GALK2: variants seen among roughly 807,000 people sequenced by gnomAD.
The protein encoded by GALK2 is galactokinase 2, also known as N-acetylgalactosamine kinase.
Under a neutral mutation model 52.4 loss-of-function variants are expected in GALK2, and 36 were observed. The ratio of observed to expected loss-of-function variants is 0.69; its 90% confidence interval spans 0.53 to 0.91. The LOEUF is 0.91. Ranked by LOEUF, GALK2 falls within the 40% of genes least tolerant of loss-of-function variation. GALK2 has a pLI of 0.00. For synonymous variants in GALK2, 176 were observed against 199.1 expected (o/e 0.88, Z 0.98); for missense variants, 579 against 559.1 (o/e 1.04, Z -0.36).
At chr15:49,213,926 G>A (rs1186582974) in intron 2 of GALK2, among the ~76,000 whole-genome samples, 2 of 151,984 alleles carry the variant, frequency 1.3e-5, no homozygotes, top group East Asian at 3.9e-4. Context: ...GACCATCATG[G>A]CTAACACGGT....
intron 8 of GALK2, chr15:49,318,954 C>CTT (rs35217317): frequency 0.036 from 14,992 of 415,710 alleles, 512 homozygotes; most frequent in African/African-American, 0.14. Flanking sequence ...TTCTTTCTTT[C>CTT]TTTTTTTTTT....
At chr15:49,213,440 C>G (rs949957290) in intron 2 of GALK2, among the ~76,000 whole-genome samples, 1 of 152,126 alleles carries the variant, frequency 6.6e-6, no homozygotes, top group African/African-American at 2.4e-5. Context: ...TTTGCTGCAC[C>G]TGTCAACCCA....
rs545517834 is a variant in GALK2 at position 49,354,861 on chromosome 15, C to T, written c.427-12630C>T. On this transcript the variant is annotated intron_variant, in intron 3 of 3. Coordinates refer to the GALK2 transcript ENST00000558399. ...CCCTGTCTGACAGCTTTGAAGAGAGCAGTGGTTCTCCCAGCATGCAGCTGG... is the reference window on the plus strand; with the variant it reads ...CCCTGTCTGACAGCTTTGAAGAGAGTAGTGGTTCTCCCAGCATGCAGCTGG... Among the ~76,000 whole-genome samples the T allele has an allele frequency of 4.9e-3, 751 of 151,782 alleles. 9 individuals are homozygous for T. Among genetic ancestry groups the T allele is most frequent in the African/African-American group, 0.017 (711 of 41,358 alleles).
At chr15:49,271,284 CT>C (rs1555421451) in intron 5 of GALK2, among the ~76,000 whole-genome samples, 1 of 152,080 alleles carries the variant, frequency 6.6e-6, no homozygotes, top group East Asian at 1.9e-4. Flanking sequence ...TCCCCAACAA[CT>C]TTTTTTTAGG....
chr15:49,268,925 C>G (rs2029907211), intron 5 of GALK2, among the ~76,000 whole-genome samples: 1 of 152,074 alleles, frequency 6.6e-6, no homozygotes, highest in South Asian at 2.1e-4. Context: ...TATTTACATC[C>G]AAGATAGTGA....
rs2151138396 is a variant in GALK2, at chr15:49,330,767, G to T, written c.*2608G>T. The T allele has an allele frequency of 6.6e-6, 1 of 150,646 alleles. No individual in the cohort carries two copies. The highest frequency in any genetic ancestry group is 2.0e-4 in the East Asian group (1 of 5,118). 9.3% of individuals were successfully genotyped at this position (150,646 alleles called of 1,614,324 possible). A position where few individuals can be genotyped will look rare whatever the true frequency, so the allele number is the denominator to read the frequency against. The stretch of plus-strand genomic sequence containing the variant: ...CCAAAAAAAAAAAAAAAGAGAGAAA[G>T]AATGAATATTTTTGTGTGTGGATGT... On this transcript the variant is annotated 3_prime_UTR_variant, in exon 10 of 10. Transcript: ENST00000560031.
intron 1 of GALK2, among the ~76,000 whole-genome samples, chr15:49,184,275 A>G (rs1225479937): frequency 1.3e-5 from 2 of 151,806 alleles, no homozygotes; most frequent in South Asian, 2.1e-4. Context: ...TTTGTGTGAT[A>G]TAAGTATAGC....
chr15:49,367,451 T>C, intron 3 of GALK2: 1 of 1,573,222 alleles, frequency 6.4e-7, no homozygotes, highest in Non-Finnish European at 8.5e-7. Flanking sequence ...AGGATATGGT[T>C]CCTGGAATAT....
At chr15:49,230,969 G>T (rs1417356090) in intron 3 of GALK2, among the ~76,000 whole-genome samples, 1 of 152,166 alleles carries the variant, frequency 6.6e-6, no homozygotes, top group East Asian at 1.9e-4. Context: ...ATGTGGGAAA[G>T]AGCAAAGATC....
intron 1 of GALK2, among the ~76,000 whole-genome samples, chr15:49,192,731 A>G (rs2086863995): frequency 6.6e-6 from 1 of 151,698 alleles, no homozygotes; most frequent in Admixed American, 6.6e-5. Context: ...AATTTTAACC[A>G]TCTGATAGTA....
At chr15:49,288,856 T>G (rs1260977109) in intron 7 of GALK2, among the ~76,000 whole-genome samples, 1 of 152,144 alleles carries the variant, frequency 6.6e-6, no homozygotes, top group Non-Finnish European at 1.5e-5. Flanking sequence ...TGAAGAGAAG[T>G]AGGTACTAGA....
At chr15:49,266,463 G>C (rs530893434) in intron 5 of GALK2, among the ~76,000 whole-genome samples, 2 of 152,152 alleles carry the variant, frequency 1.3e-5, no homozygotes, top group African/African-American at 4.8e-5. Flanking sequence ...CCTAAGTGTC[G>C]TTAAGACTGC....
intron 3 of GALK2, among the ~76,000 whole-genome samples, chr15:49,218,908 C>G (rs1041017156): frequency 2.0e-5 from 3 of 152,178 alleles, no homozygotes; most frequent in Admixed American, 6.5e-5. Context: ...TCAACTCAAC[C>G]TCTGCCTCCC....
At chr15:49,283,820 C>A in intron 7 of GALK2, 102 bp downstream of exon 7, 2 of 1,159,794 alleles carry the variant, frequency 1.7e-6, no homozygotes, top group Non-Finnish European at 2.5e-6. Context: ...TTTAGGGCAA[C>A]ATTCTGACTG....
chr15:49,200,836 A>C (rs1240719260), intron 1 of GALK2, among the ~76,000 whole-genome samples: 2 of 152,192 alleles, frequency 1.3e-5, no homozygotes, highest in Non-Finnish European at 2.9e-5. Flanking sequence ...TGTCACCAAA[A>C]AAGTATACAG....
intron 5 of GALK2, among the ~76,000 whole-genome samples, chr15:49,268,685 A>G (rs751904450): frequency 6.6e-6 from 1 of 152,216 alleles, no homozygotes; most frequent in Non-Finnish European, 1.5e-5. Context: ...AGAAATGATC[A>G]GAAATGATCA....
intron 9 of GALK2, among the ~76,000 whole-genome samples, chr15:49,326,255 A>ATTTTTT (rs35381509): frequency 4.1e-4 from 41 of 100,680 alleles, no homozygotes; most frequent in Non-Finnish European, 5.1e-4. Flanking sequence ...TATGACAACC[A>ATTTTTT]TTTTTTTTTT....
At chr15:49,286,182 C>G (rs2033331644) in intron 7 of GALK2, among the ~76,000 whole-genome samples, 1 of 152,156 alleles carries the variant, frequency 6.6e-6, no homozygotes, top group Non-Finnish European at 1.5e-5. Context: ...ATGTCTGTCT[C>G]TTCTTTCAGA....
intron 5 of GALK2, among the ~76,000 whole-genome samples, chr15:49,276,488 C>T (rs2031683276): frequency 6.6e-6 from 1 of 152,180 alleles, no homozygotes; most frequent in African/African-American, 2.4e-5. Context: ...CTTTTGATAG[C>T]TACTCCTTAT....
Sources: allele counts gnomAD v4.1 joint callset (sites outside exome capture counted in the v4.1 genomes callset), GRCh38; gene constraint gnomAD v4.1.1; transcripts MANE v1.5; gene names NCBI Gene and HGNC (gene_info 2026-07-23, HGNC 2026-07-21).